PSPC1: variants seen among roughly 807,000 people sequenced by gnomAD.
PSPC1 encodes the protein paraspeckle component 1, also known as paraspeckle protein 1.
Under a neutral mutation model 51.6 loss-of-function variants are expected in PSPC1, and 14 were observed. The observed-to-expected ratio is 0.27, with a 90% CI of 0.18 to 0.42. PSPC1 has a LOEUF of 0.42. Ranked by LOEUF, PSPC1 falls within the 10% of genes least tolerant of loss-of-function variation. The pLI, the probability that PSPC1 is intolerant of heterozygous loss-of-function variation, is 1.00. For synonymous variants in PSPC1, 193 were observed against 231.9 expected (o/e 0.83, Z 1.53); for missense variants, 406 against 701.1 (o/e 0.58, Z 4.75).
chr13:19,688,874 G>A (rs3742147), intron 6 of PSPC1, among the ~76,000 whole-genome samples: 101,797 of 151,578 alleles, frequency 0.67, 36,641 homozygotes, highest in East Asian at 0.89. Context: ...TACAGTGTTC[G>A]CTTATTAGTT....
At chr13:19,760,265 C>T (rs1887489196) in intron 2 of PSPC1, among the ~76,000 whole-genome samples, 1 of 152,178 alleles carries the variant, frequency 6.6e-6, no homozygotes, top group Non-Finnish European at 1.5e-5. Context: ...CAGTGGCTCA[C>T]ACCTGTAATC....
At chr13:19,779,683 G>T (rs1329919916) in intron 1 of PSPC1, among the ~76,000 whole-genome samples, 2 of 99,796 alleles carry the variant, frequency 2.0e-5, no homozygotes, top group East Asian at 3.3e-4. Context: ...GGAGGGAGGT[G>T]GGGGGGTCAG....
At chr13:19,764,809 T>C (rs769198758) in intron 2 of PSPC1, among the ~76,000 whole-genome samples, 16 of 152,182 alleles carry the variant, frequency 1.1e-4, no homozygotes, top group African/African-American at 3.6e-4. Flanking sequence ...TCACTGCTCA[T>C]TGCAGCCTCG....
At chr13:19,709,135 G>A (rs1032703068) in intron 7 of PSPC1, among the ~76,000 whole-genome samples, 1 of 139,078 alleles carries the variant, frequency 7.2e-6, no homozygotes, top group African/African-American at 2.7e-5. Flanking sequence ...CTCCAGCCTG[G>A]GCAACAGAGT....
intron 1 of PSPC1, among the ~76,000 whole-genome samples, chr13:19,774,812 A>T (rs573970518): frequency 6.2e-4 from 93 of 149,486 alleles, no homozygotes; most frequent in East Asian, 5.2e-3. Flanking sequence ...GTCCAAAAAA[A>T]AAAAAACAAA....
rs1880057261 is a variant in PSPC1, at chr13:19,702,633, A to G, written c.*542T>C. ...GCTGGAAATTCCGATTTCACAGAAC[A>G]TCAGTGGTTTATACAAATTAAACTC... On this transcript the variant is annotated 3_prime_UTR_variant, in exon 9 of 9. Transcript: ENST00000338910. 6.6e-6 allele frequency: 1 copy of G among 152,292 alleles called. No individual in the cohort carries two copies. The allele number at this position is 152,292 out of a possible 1,614,324, so 9.4% of individuals were successfully genotyped here. A position where few individuals can be genotyped will look rare whatever the true frequency, so the allele number is the denominator to read the frequency against.
At position 19,726,570 on chromosome 13, in the gene PSPC1, A is replaced by G. The variant is rs567807576; in HGVS notation, c.1158+3669T>C. ...TTAGTAGTATGATCTAAGAACCCAC[A>G]TTTTTTAAAAGCTCCTTGAGTGTTT... On this transcript the variant is annotated intron_variant, in intron 6 of 8. Coordinates refer to ENST00000338910, the MANE Select transcript of PSPC1 (RefSeq NM_001354909.2). 6.6e-5 allele frequency among the ~76,000 whole-genome samples: 10 copies of G among 152,274 alleles called. No individual in the cohort carries two copies. The South Asian group carries it at 2.1e-3, about 32-fold the overall frequency.
intron 6 of PSPC1, among the ~76,000 whole-genome samples, chr13:19,687,109 G>A (rs779528145): frequency 6.6e-6 from 1 of 152,180 alleles, no homozygotes; most frequent in Non-Finnish European, 1.5e-5. Context: ...ACTGAGACAG[G>A]AGAATCACTT....
intron 3 of PSPC1, among the ~76,000 whole-genome samples, chr13:19,752,697 C>T (rs868169315): frequency 2.0e-5 from 3 of 152,000 alleles, no homozygotes; most frequent in African/African-American, 7.2e-5. Context: ...ACCATTCTCC[C>T]GCCTCAGCTT....
intron 6 of PSPC1, among the ~76,000 whole-genome samples, chr13:19,688,767 A>G (rs1297193256): frequency 6.6e-6 from 1 of 152,198 alleles, no homozygotes; most frequent in African/African-American, 2.4e-5. Flanking sequence ...AGCTCAAGCA[A>G]TCTAGGCCCT....
At chr13:19,727,850 T>C (rs973680851) in intron 6 of PSPC1, among the ~76,000 whole-genome samples, 3 of 152,160 alleles carry the variant, frequency 2.0e-5, no homozygotes, top group African/African-American at 4.8e-5. Context: ...TGGAAAAAAA[T>C]TGAATACACT....
intron 4 of PSPC1, among the ~76,000 whole-genome samples, chr13:19,742,167 T>C (rs1344481249): frequency 1.4e-5 from 2 of 141,978 alleles, no homozygotes; most frequent in African/African-American, 5.2e-5. Context: ...AAACACGTAA[T>C]AAACTCATCT....
At chr13:19,777,134 A>AAC (rs1555251945) in intron 1 of PSPC1, among the ~76,000 whole-genome samples, 1 of 144,982 alleles carries the variant, frequency 6.9e-6, no homozygotes, top group Non-Finnish European at 1.5e-5. Context: ...AAAAAAAAAA[A>AAC]AAAGAGGCCA....
chr13:19,709,390 T>C (rs1344985958), intron 7 of PSPC1, 152 bp downstream of exon 7: 21 of 522,466 alleles, frequency 4.0e-5, no homozygotes, highest in Non-Finnish European at 6.9e-5. Flanking sequence ...TATAATTGTA[T>C]TGTATTCCAG....
chr13:19,703,694 TATTGC>T (rs1565974801), intron 8 of PSPC1, among the ~76,000 whole-genome samples: 1 of 152,148 alleles, frequency 6.6e-6, no homozygotes, highest in Non-Finnish European at 1.5e-5. Context: ...CAAAAGTTTA[TATTGC>T]ATGAAACTAC....
intron 5 of PSPC1, among the ~76,000 whole-genome samples, chr13:19,734,953 G>A (rs535821651): frequency 6.6e-6 from 1 of 151,526 alleles, no homozygotes; most frequent in South Asian, 2.1e-4. Context: ...ATTACAGCCT[G>A]AGCGACAGAG....
chr13:19,672,384 TC>T (rs1209997472), downstream of PSPC1: 2 of 152,844 alleles, frequency 1.3e-5, no homozygotes, highest in African/African-American at 4.8e-5. Context: ...CCTCAGGTGA[TC>T]CGCCCGCCTC....
At chr13:19,744,598 T>C (rs1885768771) in intron 4 of PSPC1, among the ~76,000 whole-genome samples, 1 of 152,040 alleles carries the variant, frequency 6.6e-6, no homozygotes, top group South Asian at 2.1e-4. Flanking sequence ...AGAGTCTCGC[T>C]TTGTTGCCCA....
At chr13:19,724,203 C>T (rs1421805895) in intron 6 of PSPC1, among the ~76,000 whole-genome samples, 1 of 152,188 alleles carries the variant, frequency 6.6e-6, no homozygotes, top group East Asian at 1.9e-4. Flanking sequence ...GTGGAAACCA[C>T]AAAACTGTAA....
Sources: gnomAD v4.1 joint callset for allele counts (sites outside exome capture counted in the v4.1 genomes callset) on GRCh38, gnomAD v4.1.1 for gene constraint, MANE v1.5 for transcripts, NCBI Gene and HGNC (gene_info 2026-07-23, HGNC 2026-07-21) for gene names.